The following RBBP8 variants were observed in gnomAD, a reference collection of about 807,000 sequenced individuals.
RBBP8 encodes RB binding protein 8, endonuclease, also known as DNA endonuclease RBBP8.
A neutral mutation model predicts 108.3 loss-of-function variants in RBBP8; 88 were observed. The ratio of observed to expected loss-of-function variants is 0.81; its 90% CI spans 0.68 to 0.97. RBBP8 has a LOEUF of 0.97. Ranked by LOEUF, RBBP8 falls within the 50% of genes least tolerant of loss-of-function variation. RBBP8 has a pLI of 0.00. For missense variants in RBBP8, 1,023 were observed against 1,049.0 expected (o/e 0.98, Z 0.34); for synonymous variants, 332 against 348.2 (o/e 0.95, Z 0.52).
At chr18:22,959,786 G>C (rs1416389318) in intron 4 of RBBP8, among the ~76,000 whole-genome samples, 2 of 149,708 alleles carry the variant, frequency 1.3e-5, no homozygotes, top group African/African-American at 2.4e-5. Context: ...TCATTTCCCA[G>C]ATTTTTCCAG....
chr18:22,975,269 A>G, intron 6 of RBBP8, 50 bp downstream of exon 6: 1 of 1,597,754 alleles, frequency 6.3e-7, no homozygotes, highest in Middle Eastern at 1.7e-4. Flanking sequence ...AGCTATACAA[A>G]CCATGAAGAT....
intron 6 of RBBP8, among the ~76,000 whole-genome samples, chr18:22,981,530 A>G (rs533844188): frequency 3.2e-4 from 49 of 152,324 alleles, no homozygotes; most frequent in African/African-American, 1.1e-3. Context: ...CAGAGTTGTG[A>G]TAATTAAACT....
chr18:23,009,304 A>G (rs79849581), intron 16 of RBBP8, among the ~76,000 whole-genome samples: 1 of 152,094 alleles, frequency 6.6e-6, no homozygotes, highest in East Asian at 1.9e-4. Context: ...ATTAATGAAA[A>G]TTGTTTGAAA....
chr18:23,019,025 CT>C (rs1312871542), intron 17 of RBBP8, among the ~76,000 whole-genome samples: 5 of 152,260 alleles, frequency 3.3e-5, no homozygotes, highest in African/African-American at 1.2e-4. Context: ...AAAATATGCT[CT>C]TATGTACTAA....
At chr18:22,948,649 A>G (rs1911771671) in intron 3 of RBBP8, among the ~76,000 whole-genome samples, 1 of 152,146 alleles carries the variant, frequency 6.6e-6, no homozygotes, top group African/African-American at 2.4e-5. Flanking sequence ...CAGTGACACT[A>G]TATTCTAGCC....
chr18:22,995,211 A>T (rs1406868211), intron 12 of RBBP8, among the ~76,000 whole-genome samples: 1 of 151,300 alleles, frequency 6.6e-6, no homozygotes, highest in African/African-American at 2.4e-5. Context: ...ATATGAAAAC[A>T]TTTTTTTCAC....
intron 5 of RBBP8, among the ~76,000 whole-genome samples, chr18:22,974,737 T>C (rs1373913152): frequency 6.6e-6 from 1 of 152,178 alleles, no homozygotes; most frequent in East Asian, 1.9e-4. Flanking sequence ...GGATTACAGC[T>C]GTGAGCCACT....
At chr18:22,940,801 C>T (rs1284818968) in intron 2 of RBBP8, among the ~76,000 whole-genome samples, 2 of 151,862 alleles carry the variant, frequency 1.3e-5, no homozygotes, top group South Asian at 2.1e-4. Context: ...CATGCACCAC[C>T]GAACCTGGCT....
intron 9 of RBBP8, among the ~76,000 whole-genome samples, chr18:22,989,604 C>T (rs906432969): frequency 7.3e-5 from 11 of 151,688 alleles, no homozygotes; most frequent in Admixed American, 2.6e-4. Context: ...ATGCCCCCTC[C>T]CTGCCCTCAT....
intron 2 of RBBP8, among the ~76,000 whole-genome samples, chr18:22,916,447 G>C (rs1047202116): frequency 2.0e-5 from 3 of 150,500 alleles, no homozygotes; most frequent in Admixed American, 2.0e-4. Flanking sequence ...TCTGGGGCCA[G>C]AACATCCAGG....
At chr18:22,957,291 C>CTTTTTTTTTTTTTTTTTTTTT (rs11418623) in intron 4 of RBBP8, among the ~76,000 whole-genome samples, 14 of 92,836 alleles carry the variant, frequency 1.5e-4, no homozygotes, top group Admixed American at 2.9e-4. Flanking sequence ...ATTACTTTTT[C>CTTTTTTTTTTTTTTTTTTTTT]TTTTTTTTTT....
In RBBP8 at chr18:23,026,216, A is replaced by G. The variant is rs377528521; in HGVS notation, c.2670A>G (p.Pro890=). ...RRQPYNAIFS[P]KGKEQKT ...AGCCTTACAACGCAATATTTTCTCC[A>G]AAAGGCAAGGAGCAGAAGACATAGA... Residue 890 remains proline (P), a synonymous_variant, in exon 19 of 19, where the codon CCA becomes CCG. Coordinates refer to ENST00000327155, the MANE Select transcript of RBBP8 (RefSeq NM_002894.3). 4.3e-6 allele frequency: 7 copies of G among 1,613,762 alleles called. No homozygotes were observed. Among genetic ancestry groups the G allele is most frequent in the Non-Finnish European group, 5.1e-6 (6 of 1,179,752 alleles).
At chr18:22,957,335 T>C (rs1027923002) in intron 4 of RBBP8, among the ~76,000 whole-genome samples, 2 of 141,648 alleles carry the variant, frequency 1.4e-5, no homozygotes, top group Non-Finnish European at 3.1e-5. Flanking sequence ...TGGTAGACTA[T>C]AAGCTTTTTA....
chr18:22,940,138 C>T (rs1165046925), intron 2 of RBBP8, among the ~76,000 whole-genome samples: 1 of 151,922 alleles, frequency 6.6e-6, no homozygotes, highest in African/African-American at 2.4e-5. Flanking sequence ...AGATTGTCAT[C>T]TTGCCTTGAC....
At chr18:22,963,037 A>T (rs1204020892) in intron 4 of RBBP8, among the ~76,000 whole-genome samples, 1 of 152,108 alleles carries the variant, frequency 6.6e-6, no homozygotes, top group East Asian at 1.9e-4. Flanking sequence ...TTATAATTTC[A>T]GCCAAAAGAA....
At chr18:22,959,114 C>T (rs1912846241) in intron 4 of RBBP8, among the ~76,000 whole-genome samples, 1 of 152,108 alleles carries the variant, frequency 6.6e-6, no homozygotes, top group Non-Finnish European at 1.5e-5. Context: ...TTTTTAAGCT[C>T]ATTTTGTTAC....
chr18:22,947,989 C>T (rs1911710520), intron 3 of RBBP8, among the ~76,000 whole-genome samples: 1 of 152,048 alleles, frequency 6.6e-6, no homozygotes, highest in Admixed American at 6.6e-5. Context: ...AATCAGATAA[C>T]TCACTACTAT....
intron 2 of RBBP8, among the ~76,000 whole-genome samples, chr18:22,945,165 A>G (rs1598644775): frequency 6.6e-6 from 1 of 152,094 alleles, no homozygotes. Context: ...GAGTAGATCT[A>G]TAATTGGGTA....
intron 3 of RBBP8, among the ~76,000 whole-genome samples, chr18:22,925,708 A>C (rs946461323): frequency 2.6e-5 from 4 of 152,232 alleles, no homozygotes; most frequent in African/African-American, 9.6e-5. Context: ...AGAATTCTTT[A>C]ATTAATAGAA....
Sources: allele counts gnomAD v4.1 joint callset (sites outside exome capture counted in the v4.1 genomes callset), GRCh38; gene constraint gnomAD v4.1.1; transcripts MANE v1.5; gene names NCBI Gene and HGNC (gene_info 2026-07-23, HGNC 2026-07-21).